The following HYCC1 variants were observed in gnomAD, a reference collection of about 807,000 sequenced individuals.
HYCC1 encodes the protein hyccin PI4KA lipid kinase complex subunit 1.
chr7:22,972,371 C>G, the HYCC1 span, among the ~76,000 whole-genome samples: 1 of 152,106 alleles, frequency 6.6e-6, no homozygotes, highest in African/African-American at 2.4e-5. Flanking sequence ...ATACACTGAT[C>G]AGGAACTCAC....
At chr7:22,964,328 G>C in the HYCC1 span, 12 of 799,036 alleles carry the variant, frequency 1.5e-5, no homozygotes, top group Non-Finnish European at 2.4e-5. Context: ...CTTATCTATT[G>C]ACATTATAAT....
the HYCC1 span, among the ~76,000 whole-genome samples, chr7:22,923,214 C>G: frequency 6.6e-6 from 1 of 152,122 alleles, no homozygotes; most frequent in African/African-American, 2.4e-5. Flanking sequence ...AAAGTATGCT[C>G]TCCAACCATA....
At chr7:22,956,620 A>G in the HYCC1 span, among the ~76,000 whole-genome samples, 1 of 151,848 alleles carries the variant, frequency 6.6e-6, no homozygotes, top group Non-Finnish European at 1.5e-5. Flanking sequence ...CTGTCTGGTC[A>G]AAATTTAAAT....
At chr7:22,988,653 T>C in the HYCC1 span, among the ~76,000 whole-genome samples, 15 of 152,322 alleles carry the variant, frequency 9.8e-5, 2 homozygotes, top group South Asian at 2.9e-3. Context: ...ATCATATGCA[T>C]ACTTAGAACC....
the HYCC1 span, among the ~76,000 whole-genome samples, chr7:22,911,391 T>C: frequency 6.6e-6 from 1 of 152,230 alleles, no homozygotes; most frequent in Non-Finnish European, 1.5e-5. Context: ...ACTTCAGCAA[T>C]GTCTTTGGCA....
chr7:22,912,868 C>T, the HYCC1 span, among the ~76,000 whole-genome samples: 1 of 152,184 alleles, frequency 6.6e-6, no homozygotes, highest in African/African-American at 2.4e-5. Flanking sequence ...CATGGTGGCT[C>T]ACACCTGTAA....
the HYCC1 span, among the ~76,000 whole-genome samples, chr7:22,984,699 G>T: frequency 6.6e-6 from 1 of 152,178 alleles, no homozygotes; most frequent in Non-Finnish European, 1.5e-5. Context: ...TCCAGCCTGG[G>T]TAACAGAATG....
the HYCC1 span, among the ~76,000 whole-genome samples, chr7:22,993,310 G>C: frequency 6.6e-6 from 1 of 152,234 alleles, no homozygotes; most frequent in African/African-American, 2.4e-5. Flanking sequence ...AAATGCAAGA[G>C]AGTACTTTCA....
the HYCC1 span, among the ~76,000 whole-genome samples, chr7:22,962,537 C>T: frequency 0.082 from 12,405 of 151,500 alleles, 662 homozygotes; most frequent in East Asian, 0.21. Context: ...CCCTTTCACC[C>T]CCCAGCGAAC....
the HYCC1 span, among the ~76,000 whole-genome samples, chr7:22,958,004 T>G: frequency 1.3e-5 from 2 of 151,414 alleles, no homozygotes; most frequent in Non-Finnish European, 1.5e-5. Flanking sequence ...ATTTGAGAAA[T>G]TTGTAATTTA....
the HYCC1 span, among the ~76,000 whole-genome samples, chr7:22,932,323 G>C: frequency 6.6e-6 from 1 of 152,138 alleles, no homozygotes; most frequent in East Asian, 1.9e-4. Context: ...TCCAAGGACT[G>C]AGCCATGGAT....
the HYCC1 span, among the ~76,000 whole-genome samples, chr7:22,972,638 G>A: frequency 6.6e-6 from 1 of 152,198 alleles, no homozygotes; most frequent in Non-Finnish European, 1.5e-5. Flanking sequence ...GCATTGGTGA[G>A]TATATTTCTT....
At chr7:22,983,733 G>C in the HYCC1 span, 16 of 531,536 alleles carry the variant, frequency 3.0e-5, no homozygotes, top group Non-Finnish European at 4.7e-5. Flanking sequence ...CCTCTAGCGA[G>C]AGAGAAAAAG....
At chr7:23,009,954 C>G in the HYCC1 span, among the ~76,000 whole-genome samples, 1 of 152,134 alleles carries the variant, frequency 6.6e-6, no homozygotes, top group Non-Finnish European at 1.5e-5. Flanking sequence ...TGGCTCTCAA[C>G]AATAAGCAAT....
At chr7:22,945,432 T>C in the HYCC1 span, 6 of 647,916 alleles carry the variant, frequency 9.3e-6, no homozygotes, top group African/African-American at 9.1e-5. Flanking sequence ...TACTGCAACC[T>C]AGACAATCTT....
the HYCC1 span, among the ~76,000 whole-genome samples, chr7:22,987,473 A>C: frequency 6.6e-6 from 1 of 152,004 alleles, no homozygotes; most frequent in Admixed American, 6.5e-5. Flanking sequence ...ACTTGAACCC[A>C]GGAGGTGGAG....
At chr7:22,937,917 A>C in the HYCC1 span, 1 of 152,206 alleles carries the variant, frequency 6.6e-6, no homozygotes, top group East Asian at 1.9e-4. Flanking sequence ...CAATTGTTGG[A>C]GCTCCAGTGG....
the HYCC1 span, among the ~76,000 whole-genome samples, chr7:22,972,843 G>T: frequency 2.0e-5 from 3 of 152,164 alleles, no homozygotes; most frequent in Non-Finnish European, 4.4e-5. Flanking sequence ...TAACTGAACA[G>T]ATTTTTGCTC....
the HYCC1 span, chr7:22,939,777 G>A: frequency 1.3e-5 from 2 of 152,140 alleles, no homozygotes; most frequent in Non-Finnish European, 2.9e-5. Context: ...CCTTAGCCAA[G>A]TCCTCTACCC....
Sources: gnomAD v4.1 joint callset for allele counts (sites outside exome capture counted in the v4.1 genomes callset) on GRCh38, gnomAD v4.1.1 for gene constraint, MANE v1.5 for transcripts, NCBI Gene and HGNC (gene_info 2026-07-23, HGNC 2026-07-21) for gene names.